ADARB2: variants seen among roughly 807,000 people sequenced by gnomAD.
ADARB2 encodes adenosine deaminase RNA specific B2 (inactive).
ADARB2 carries 25 observed loss-of-function variants against 62.2 expected under a neutral mutation model. The observed-to-expected ratio is 0.40, with a 90% confidence interval of 0.29 to 0.56. ADARB2 has a LOEUF of 0.56. Among genes scored for constraint, ADARB2 ranks in the 20% least tolerant of loss-of-function variants. ADARB2 has a pLI of 0.43. For missense variants in ADARB2, 1,071 were observed against 1,077.4 expected, an observed-to-expected ratio of 0.99 and a Z score of 0.08; for synonymous variants, 572 against 500.8, an observed-to-expected ratio of 1.14 and a Z score of -1.90.
chr10:1,381,068 C>T (rs979452539), intron 1 of ADARB2, among the ~76,000 whole-genome samples: 1 of 152,190 alleles, frequency 6.6e-6, no homozygotes, highest in African/African-American at 2.4e-5. Context: ...AATAAAAATT[C>T]AGGACATCCA....
In ADARB2 at chr10:1,536,618, A is replaced by G. The variant is rs936330593; in HGVS notation, c.101-157458T>C. ...GCTCTAGAATCTAGCTTATATGTTT[A>G]TTTTCTGAATGTTGTAACTAGGACT... On this transcript the variant is annotated intron_variant, in intron 1 of 9. Coordinates refer to ENST00000381312, the MANE Select transcript of ADARB2 (RefSeq NM_018702.4). Among the ~76,000 whole-genome samples the G allele has an allele frequency of 5.3e-5, 8 of 152,254 alleles. No homozygotes were observed. The East Asian group carries it at 1.3e-3, about 26-fold the overall frequency.
chr10:1,546,852 C>T (rs1346979087), intron 1 of ADARB2, among the ~76,000 whole-genome samples: 6 of 152,368 alleles, frequency 3.9e-5, no homozygotes, highest in East Asian at 1.9e-4. Context: ...CTGCATCCAT[C>T]GGCTAATGCC....
chr10:1,555,578 A>G (rs966291975), intron 1 of ADARB2, among the ~76,000 whole-genome samples: 3 of 152,188 alleles, frequency 2.0e-5, no homozygotes, highest in African/African-American at 4.8e-5. Flanking sequence ...CCGGGGCTTC[A>G]TTAAGAAACT....
At chr10:1,576,769 GC>G (rs1179850243) in intron 1 of ADARB2, among the ~76,000 whole-genome samples, 2 of 152,158 alleles carry the variant, frequency 1.3e-5, no homozygotes, top group Non-Finnish European at 2.9e-5. Flanking sequence ...TCAAGGAAAG[GC>G]CCTTGGGGAC....
intron 1 of ADARB2, among the ~76,000 whole-genome samples, chr10:1,543,088 G>A (rs1017184210): frequency 3.2e-4 from 49 of 152,372 alleles, no homozygotes; most frequent in African/African-American, 1.1e-3. Flanking sequence ...TGGGTTGTTG[G>A]GACGGAAGGG....
chr10:1,532,805 G>A (rs963515611), intron 1 of ADARB2, among the ~76,000 whole-genome samples: 4 of 152,216 alleles, frequency 2.6e-5, no homozygotes, highest in Admixed American at 2.0e-4. Flanking sequence ...ACAGGCAGGA[G>A]CCTGAATGTG....
intron 1 of ADARB2, among the ~76,000 whole-genome samples, chr10:1,499,350 C>T (rs1463164618): frequency 6.6e-6 from 1 of 152,072 alleles, no homozygotes. Flanking sequence ...TCAGTCATTA[C>T]TCACTCATTA....
At chr10:1,281,447 T>C (rs1335424215) in intron 3 of ADARB2, among the ~76,000 whole-genome samples, 4 of 152,240 alleles carry the variant, frequency 2.6e-5, no homozygotes, top group Admixed American at 2.0e-4. Flanking sequence ...CAAAGCACCA[T>C]GCGCTTATAT....
intron 1 of ADARB2, among the ~76,000 whole-genome samples, chr10:1,521,100 T>G (rs1054517227): frequency 1.1e-4 from 17 of 152,170 alleles, no homozygotes; most frequent in African/African-American, 4.1e-4. Flanking sequence ...TACTCCCATG[T>G]GCTCAGCAAG....
At chr10:1,601,771 C>A (rs1314347353) in intron 1 of ADARB2, among the ~76,000 whole-genome samples, 1 of 152,004 alleles carries the variant, frequency 6.6e-6, no homozygotes, top group Non-Finnish European at 1.5e-5. Context: ...TACTTCCATG[C>A]ATCTTTCAAA....
At chr10:1,634,671 A>G (rs951172849) in intron 1 of ADARB2, among the ~76,000 whole-genome samples, 1 of 152,254 alleles carries the variant, frequency 6.6e-6, no homozygotes, top group Non-Finnish European at 1.5e-5. Context: ...TCAAAACTTT[A>G]GAAGCACACA....
intron 2 of ADARB2, among the ~76,000 whole-genome samples, chr10:1,377,212 G>A (rs1832440269): frequency 7.8e-6 from 1 of 128,024 alleles, no homozygotes; most frequent in Non-Finnish European, 1.6e-5. Context: ...GTGTGCGTTT[G>A]TGTGCGCCCC....
chr10:1,348,193 G>A (rs1490101700), intron 3 of ADARB2, among the ~76,000 whole-genome samples: 1 of 152,194 alleles, frequency 6.6e-6, no homozygotes, highest in Non-Finnish European at 1.5e-5. Context: ...TGGCTACAAA[G>A]TCATTTCTCA....
chr10:1,682,560 C>G (rs930029342), intron 1 of ADARB2, among the ~76,000 whole-genome samples: 3 of 152,178 alleles, frequency 2.0e-5, no homozygotes, highest in Non-Finnish European at 4.4e-5. Context: ...TTCTGTGCAA[C>G]CTGGGATTAA....
At chr10:1,503,940 G>A (rs989307005) in intron 1 of ADARB2, among the ~76,000 whole-genome samples, 3 of 152,164 alleles carry the variant, frequency 2.0e-5, no homozygotes, top group South Asian at 2.1e-4. Context: ...AGAACCGTGA[G>A]CCATTTAAAC....
chr10:1,563,475 C>A (rs1249625219), intron 1 of ADARB2, among the ~76,000 whole-genome samples: 1 of 152,110 alleles, frequency 6.6e-6, no homozygotes, highest in East Asian at 1.9e-4. Flanking sequence ...ATCTTATCCT[C>A]CTTGGCCACT....
rs146314274 is a variant in ADARB2 at position 1,588,304 on chromosome 10, G to A, written c.100+148747C>T. On this transcript the variant is annotated intron_variant, in intron 1 of 9. Coordinates refer to ENST00000381312, the MANE Select transcript of ADARB2 (RefSeq NM_018702.4). Reference sequence around the variant, plus strand: ...CTCTATTCCCATTTTGAGATACCCCGGATGCTATGTCAAGGTGGTTTTTTA... The same window carrying A: ...CTCTATTCCCATTTTGAGATACCCCAGATGCTATGTCAAGGTGGTTTTTTA... Among the ~76,000 whole-genome samples the A allele has an allele frequency of 2.0e-3, 312 of 152,234 alleles. 1 individual carries two copies. Among genetic ancestry groups the A allele is most frequent in the African/African-American group, 7.1e-3 (293 of 41,542 alleles).
rs1230603976 is a variant in ADARB2, at chr10:1,213,521, CCT to C, written c.1682+3428_1682+3429del. Among the ~76,000 whole-genome samples the C allele has an allele frequency of 2.6e-5, 4 of 152,180 alleles. No homozygotes were observed. The East Asian group carries it at 5.8e-4, about 22-fold the overall frequency. ...TGGGCACCCCCCTGTCCACTGCACC[CCT>C]GTCCTGTCACCAGACTCGGGGATGA... On this transcript the variant is annotated intron_variant, in intron 7 of 9. Transcript: ENST00000381312.
chr10:1,529,476 G>A (rs756542930), intron 1 of ADARB2, among the ~76,000 whole-genome samples: 1 of 152,166 alleles, frequency 6.6e-6, no homozygotes, highest in Admixed American at 6.5e-5. Flanking sequence ...ACATCTGCCT[G>A]AATCCGCCCC....
Sources: allele counts gnomAD v4.1 joint callset (sites outside exome capture counted in the v4.1 genomes callset), GRCh38; gene constraint gnomAD v4.1.1; transcripts MANE v1.5; gene names NCBI Gene and HGNC (gene_info 2026-07-23, HGNC 2026-07-21).